The following PRIM2 variants were observed in gnomAD, a reference collection of about 807,000 sequenced individuals.
The protein encoded by PRIM2 is DNA primase subunit 2, also known as DNA primase large subunit.
PRIM2 carries 39 observed loss-of-function variants against 67.3 expected under a neutral mutation model. The ratio of observed to expected loss-of-function variants is 0.58; its 90% CI spans 0.45 to 0.76. The LOEUF (loss-of-function observed/expected upper bound fraction) is 0.76, where lower values mean the gene tolerates loss of function less well. PRIM2 is among the 30% of genes least tolerant of loss of function. The pLI is 0.00. For missense variants in PRIM2, 398 were observed against 598.7 expected (o/e 0.66, Z 3.50); for synonymous variants, 143 against 198.7 (o/e 0.72, Z 2.36).
intron 7 of PRIM2, among the ~76,000 whole-genome samples, chr6:57,452,063 G>C (rs1299821028): frequency 4.6e-5 from 7 of 151,910 alleles, no homozygotes; most frequent in Non-Finnish European, 1.0e-4. Flanking sequence ...ATAGTTTGCT[G>C]AGAATGATGG....
At chr6:57,394,174 A>T (rs374030722) in intron 7 of PRIM2, among the ~76,000 whole-genome samples, 1 of 151,906 alleles carries the variant, frequency 6.6e-6, no homozygotes, top group African/African-American at 2.4e-5. Flanking sequence ...GAATTTTAGA[A>T]TTGTTTTTTT....
chr6:57,538,959 C>T (rs1775075844), intron 10 of PRIM2, among the ~76,000 whole-genome samples: 1 of 152,126 alleles, frequency 6.6e-6, no homozygotes, highest in Non-Finnish European at 1.5e-5. Context: ...GTTAGGGGTT[C>T]AACAAATGAC....
intron 10 of PRIM2, among the ~76,000 whole-genome samples, chr6:57,591,233 C>T (rs1220090630): frequency 6.6e-6 from 1 of 152,056 alleles, no homozygotes; most frequent in Non-Finnish European, 1.5e-5. Context: ...TATTAAATGC[C>T]TACAACATCA....
rs1283541856 is a variant in PRIM2 at position 57,526,005 on chromosome 6, G to A, written c.762-6406G>A. 5.3e-5 allele frequency among the ~76,000 whole-genome samples: 8 copies of A among 152,260 alleles called. No individual in the cohort carries two copies. In the East Asian group the frequency reaches 1.5e-3, roughly 29 times the overall value. On this transcript the variant is annotated intron_variant, in intron 8 of 13. Transcript: ENST00000615550. ...ACATCCAGATCAGGACAACAACTGGGATGTGGAAAAAAAGTGTCTTATAGA... is the reference window on the plus strand; with the variant it reads ...ACATCCAGATCAGGACAACAACTGGAATGTGGAAAAAAAGTGTCTTATAGA...
intron 13 of PRIM2, among the ~76,000 whole-genome samples, chr6:57,634,296 G>A (rs1300822578): frequency 6.6e-6 from 1 of 152,236 alleles, no homozygotes; most frequent in Non-Finnish European, 1.5e-5. Flanking sequence ...AAGATCTGGA[G>A]CTAGAGCCCC....
intron 7 of PRIM2, among the ~76,000 whole-genome samples, chr6:57,476,529 C>T (rs1182238105): frequency 1.6e-4 from 24 of 152,052 alleles, no homozygotes; most frequent in Admixed American, 5.2e-4. Context: ...GGTACCATGC[C>T]ATTCTTTCCT....
Position 57,408,070 on chromosome 6 carries a change from C to T in PRIM2, c.693+25902C>T, listed in dbSNP as rs1300932529. Among the ~76,000 whole-genome samples, 4 of 152,326 alleles carry T rather than the reference C, an allele frequency of 2.6e-5. No individual in the cohort carries two copies. In the East Asian group the frequency reaches 7.7e-4, roughly 29 times the overall value. On this transcript the variant is annotated intron_variant, in intron 7 of 13. Coordinates refer to ENST00000615550, the MANE Select transcript of PRIM2 (RefSeq NM_000947.5). ...TCTCCCCCTTTGTGGGAAGCAGGCA[C>T]AAATATTCCTTTTTTTTCCCCACTT...
At chr6:57,372,189 T>C (rs1451580761) in intron 5 of PRIM2, among the ~76,000 whole-genome samples, 1 of 152,238 alleles carries the variant, frequency 6.6e-6, no homozygotes. Context: ...CAAAGAGGAA[T>C]TGAGGTGAAA....
chr6:57,393,775 T>C (rs1770437122), intron 7 of PRIM2, among the ~76,000 whole-genome samples: 1 of 151,988 alleles, frequency 6.6e-6, no homozygotes, highest in African/African-American at 2.4e-5. Flanking sequence ...TGTTATCTTC[T>C]AGAATTTTTA....
intron 13 of PRIM2, among the ~76,000 whole-genome samples, chr6:57,634,253 T>A (rs1777082700): frequency 2.6e-5 from 4 of 152,230 alleles, no homozygotes; most frequent in Admixed American, 1.3e-4. Context: ...GTAGGGACTC[T>A]AACTTGCCTT....
intron 13 of PRIM2, among the ~76,000 whole-genome samples, chr6:57,632,678 G>T (rs1238787558): frequency 5.3e-5 from 8 of 152,246 alleles, no homozygotes; most frequent in Non-Finnish European, 4.4e-5. Context: ...TTTGACCCAC[G>T]GGCCTTGATT....
chr6:57,289,227 A>C, the PRIM2 span, among the ~76,000 whole-genome samples: 1 of 152,206 alleles, frequency 6.6e-6, no homozygotes, highest in Non-Finnish European at 1.5e-5. Flanking sequence ...CAAATTAATG[A>C]AATAAAGCAA....
At chr6:57,404,858 C>T (rs1323912271) in intron 7 of PRIM2, among the ~76,000 whole-genome samples, 8 of 143,654 alleles carry the variant, frequency 5.6e-5, no homozygotes, top group Non-Finnish European at 1.1e-4. Flanking sequence ...TTTTCTCTTT[C>T]CTCATTCATG....
At chr6:57,287,464 A>G in the PRIM2 span, among the ~76,000 whole-genome samples, 3 of 152,190 alleles carry the variant, frequency 2.0e-5, no homozygotes, top group East Asian at 1.9e-4. Flanking sequence ...TTGCAGGGAC[A>G]TGGATGAAGC....
intron 7 of PRIM2, among the ~76,000 whole-genome samples, chr6:57,384,897 G>A (rs902276419): frequency 6.6e-6 from 1 of 152,100 alleles, no homozygotes; most frequent in African/African-American, 2.4e-5. Flanking sequence ...TGGGTTTAAA[G>A]CTACTTCTGA....
chr6:57,373,982 A>G (rs1769657378), intron 5 of PRIM2, among the ~76,000 whole-genome samples: 1 of 152,172 alleles, frequency 6.6e-6, no homozygotes, highest in Admixed American at 6.5e-5. Context: ...AATTCTGTGA[A>G]GAACGTCAGT....
At chr6:57,310,940 AGG>A (rs1767370682), upstream of PRIM2, among the ~76,000 whole-genome samples, 1 of 65,496 alleles carries the variant, frequency 1.5e-5, no homozygotes, top group African/African-American at 6.0e-5. Context: ...CCAAACGGGG[AGG>A]GGCCGGGCAG....
intron 5 of PRIM2, 76 bp downstream of exon 5, chr6:57,326,121 A>G (rs1232336134): frequency 9.2e-6 from 14 of 1,515,758 alleles, no homozygotes; most frequent in African/African-American, 1.4e-5. Context: ...GCTGGTACTA[A>G]TGTGTAGTGT....
intron 12 of PRIM2, among the ~76,000 whole-genome samples, chr6:57,631,810 T>C (rs1777041223): frequency 6.6e-6 from 1 of 152,254 alleles, no homozygotes; most frequent in Admixed American, 6.5e-5. Flanking sequence ...TGCAATATGA[T>C]GTTCTGACAA....
Sources: allele counts gnomAD v4.1 joint callset (sites outside exome capture counted in the v4.1 genomes callset), GRCh38; gene constraint gnomAD v4.1.1; transcripts MANE v1.5; gene names NCBI Gene and HGNC (gene_info 2026-07-23, HGNC 2026-07-21).